The following RNF19A variants were observed in gnomAD, a reference collection of about 807,000 sequenced individuals.
The protein encoded by RNF19A is E3 ubiquitin-protein ligase RNF19A.
Under a neutral mutation model 75.7 loss-of-function variants are expected in RNF19A, and 32 were observed. The ratio of observed to expected loss-of-function variants is 0.42; its 90% CI spans 0.32 to 0.57. The LOEUF is 0.57. Among genes scored for constraint, RNF19A ranks in the 20% least tolerant of loss-of-function variants. The pLI is 0.10. For missense variants in RNF19A, 782 were observed against 1,036.3 expected, an observed-to-expected ratio of 0.75 and a Z score of 3.37; for synonymous variants, 335 against 345.2, an observed-to-expected ratio of 0.97 and a Z score of 0.33.
intron 1 of RNF19A, among the ~76,000 whole-genome samples, chr8:100,305,954 C>T (rs1355656420): frequency 1.3e-5 from 2 of 152,074 alleles, no homozygotes; most frequent in Admixed American, 6.5e-5. Context: ...TATATTAATA[C>T]GTTATATAAT....
Position 100,261,457 on chromosome 8 carries a change from C to A in RNF19A, c.1682+85G>T. On this transcript the variant is annotated intron_variant, in intron 8 of 9. Coordinates refer to ENST00000341084, the MANE Select transcript of RNF19A (RefSeq NM_183419.4). The surrounding 1 kb of genome is among the most constrained non-coding windows in gnomAD (Gnocchi z 4.4). ...TTGACATAGTAGGGTTATATATAAT[C>A]ATCATGCTTTATGTTCAAAATTCTC... 1 of 1,176,742 alleles carries A rather than the reference C, an allele frequency of 8.5e-7. No individual in the cohort carries two copies. The highest frequency in any genetic ancestry group is 1.3e-5 in the South Asian group (1 of 77,524). 72.9% of individuals were successfully genotyped at this position (1,176,742 alleles called of 1,614,324 possible).
At position 100,258,920 on chromosome 8, in the gene RNF19A, G is replaced by GATTCTCTGTCACTGA; in HGVS notation, c.2152_2153insTCAGTGACAGAGAAT (p.Pro718delinsLeuSerAspArgGluSer). On this transcript the variant is annotated protein_altering_variant, in exon 10 of 10. Transcript: ENST00000341084. The surrounding 1 kb of genome is among the most constrained non-coding windows in gnomAD (Gnocchi z 4.3). Reference sequence around the variant, plus strand: ...ACTAGAGTGAGAATCTGCTACAGAAGGCATACTGTCACTGAGGGATGGAGC... The same window carrying GATTCTCTGTCACTGA: ...ACTAGAGTGAGAATCTGCTACAGAAGATTCTCTGTCACTGAGCATACTGTCACTGAGGGATGGAGC... The GATTCTCTGTCACTGA allele has an allele frequency of 1.9e-6, 3 of 1,614,178 alleles. No homozygotes were observed. The highest frequency in any genetic ancestry group is 2.5e-6 in the Non-Finnish European group (3 of 1,180,018).
At chr8:100,277,423 T>C (rs1291196257) in intron 2 of RNF19A, among the ~76,000 whole-genome samples, 1 of 152,120 alleles carries the variant, frequency 6.6e-6, no homozygotes. Context: ...GCTATTCTCC[T>C]GCCTCAGACT....
In RNF19A at chr8:100,264,689, C is replaced by T; in HGVS notation, c.1288G>A (p.Val430Ile). ...TTCTTACCTACAGTCACTGCAGCTACTACTGGAGACACGATTACAGACAAC... is the reference window on the plus strand; with the variant it reads ...TTCTTACCTACAGTCACTGCAGCTATTACTGGAGACACGATTACAGACAAC... ...VTLSVIVSPV[V>I]AAVTVGIGVP... Residue 430 changes from valine to isoleucine, a missense_variant, in exon 6 of 10, where the codon GTA (valine) becomes ATA (isoleucine). Physicochemically the swap from Val to Ile is conservative, Grantham distance 29. Transcript: ENST00000341084. The surrounding 1 kb of genome is among the most constrained non-coding windows in gnomAD (Gnocchi z 4.7). 1.2e-6 allele frequency: 2 copies of T among 1,611,720 alleles called. No homozygotes were observed. Among genetic ancestry groups the T allele is most frequent in the Non-Finnish European group, 1.7e-6 (2 of 1,178,038 alleles).
upstream of RNF19A, chr8:100,309,960 G>C (rs891461124): frequency 1.2e-5 from 12 of 985,466 alleles, no homozygotes; most frequent in East Asian, 2.3e-4. Flanking sequence ...GCGCGGGGGA[G>C]GGTCCCTCCG....
chr8:100,263,437 G>A (rs528896334), intron 7 of RNF19A, among the ~76,000 whole-genome samples: 1 of 152,228 alleles, frequency 6.6e-6, no homozygotes, highest in South Asian at 2.1e-4. Flanking sequence ...GAGTGGTAGG[G>A]ACAAAAATCT....
chr8:100,280,746 T>C (rs1008235043), intron 2 of RNF19A, among the ~76,000 whole-genome samples: 1 of 152,188 alleles, frequency 6.6e-6, no homozygotes, highest in Admixed American at 6.5e-5. Context: ...ACCATAACAG[T>C]ATTAGGCACG....
chr8:100,300,890 T>C lies in RNF19A; in HGVS notation c.-94+8977A>G, dbSNP rs918496633. ...GAAAAGGCTACAAATTCTGGACCTATTTCACACAGACAAAAAAACTAGTCA... is the reference window on the plus strand; with the variant it reads ...GAAAAGGCTACAAATTCTGGACCTACTTCACACAGACAAAAAAACTAGTCA... On this transcript the variant is annotated intron_variant, in intron 1 of 9. Coordinates refer to ENST00000341084, the MANE Select transcript of RNF19A (RefSeq NM_183419.4). Among the ~76,000 whole-genome samples, 11 of 152,298 alleles carry C rather than the reference T, an allele frequency of 7.2e-5. No individual in the cohort carries two copies. In the South Asian group the frequency reaches 2.3e-3, roughly 32 times the overall value.
intron 1 of RNF19A, among the ~76,000 whole-genome samples, chr8:100,321,830 G>T (rs572529087): frequency 1.3e-5 from 2 of 152,316 alleles, no homozygotes; most frequent in East Asian, 3.9e-4. Context: ...TAGGTGAATT[G>T]TCAGTGAGAC....
intron 2 of RNF19A, among the ~76,000 whole-genome samples, chr8:100,283,819 GGT>G (rs1820893466): frequency 6.6e-6 from 1 of 151,936 alleles, no homozygotes; most frequent in Non-Finnish European, 1.5e-5. Flanking sequence ...ATAATAAAAG[GGT>G]TAAATACTAC....
At chr8:100,320,593 T>C (rs980189758) in intron 1 of RNF19A, among the ~76,000 whole-genome samples, 1 of 152,230 alleles carries the variant, frequency 6.6e-6, no homozygotes, top group Non-Finnish European at 1.5e-5. Context: ...CAGTACAAGG[T>C]CTAAAATGAC....
rs1819884078 is a variant in RNF19A at position 100,264,638 on chromosome 8, G to T, written c.1306+33C>A. On this transcript the variant is annotated intron_variant, in intron 6 of 9. Transcript: ENST00000341084. The surrounding 1 kb of genome is among the most constrained non-coding windows in gnomAD (Gnocchi z 4.7). ...CACAAAACTTTAACTCCATAAAATT[G>T]TAGGTAATTAGTACTTTTCAGCATT... 1.5e-6 allele frequency: 2 copies of T among 1,342,114 alleles called. No individual in the cohort carries two copies. The highest frequency in any genetic ancestry group is 1.2e-5 in the South Asian group (1 of 80,672). 83.1% of individuals were successfully genotyped at this position (1,342,114 alleles called of 1,614,324 possible). A position where few individuals can be genotyped will look rare whatever the true frequency, so the allele number is the denominator to read the frequency against.
intron 1 of RNF19A, among the ~76,000 whole-genome samples, chr8:100,295,533 C>T (rs147751679): frequency 6.6e-6 from 1 of 152,204 alleles, no homozygotes; most frequent in Non-Finnish European, 1.5e-5. Context: ...ATCTGCTCAG[C>T]CTCTGGTGCT....
intron 1 of RNF19A, among the ~76,000 whole-genome samples, chr8:100,290,205 T>C (rs974495791): frequency 2.0e-5 from 3 of 152,100 alleles, no homozygotes; most frequent in Non-Finnish European, 4.4e-5. Context: ...GCCTCCATCT[T>C]TTGGGTTCAA....
At chr8:100,309,499 C>A in intron 1 of RNF19A, 1 of 985,516 alleles carries the variant, frequency 1.0e-6, no homozygotes, top group South Asian at 4.7e-5. Flanking sequence ...GGAGACAGCT[C>A]GAGGGGAGCG....
intron 1 of RNF19A, among the ~76,000 whole-genome samples, chr8:100,316,046 G>C (rs1822369248): frequency 6.6e-6 from 1 of 152,140 alleles, no homozygotes; most frequent in South Asian, 2.1e-4. Flanking sequence ...GGCGCATCTG[G>C]AGTTTGTCCC....
intron 1 of RNF19A, among the ~76,000 whole-genome samples, chr8:100,318,373 C>A (rs1160613190): frequency 1.3e-5 from 2 of 152,128 alleles, no homozygotes; most frequent in East Asian, 3.8e-4. Context: ...TCTCTGTTCC[C>A]ATTTCTTCAC....
rs1241528822 is a variant in RNF19A at position 100,324,879 on chromosome 8, T to C, written c.-243+11229A>G. On this transcript the variant is annotated intron_variant, in intron 1 of 3. Transcript: ENST00000519527. The surrounding 1 kb of genome is among the most constrained non-coding windows in gnomAD (Gnocchi z 4.2). The stretch of plus-strand genomic sequence containing the variant: ...CTTCCTTTCTCTCTTTCTCTTTTTT[T>C]TCTTTCTTTCTCTCTCTCTCTTTCT... Among the ~76,000 whole-genome samples, 1 of 115,746 alleles carries C rather than the reference T, an allele frequency of 8.6e-6. No individual in the cohort carries two copies. Among genetic ancestry groups the C allele is most frequent in the Non-Finnish European group, 1.7e-5 (1 of 57,156 alleles). 75.9% of individuals were successfully genotyped at this position (115,746 alleles called of 152,430 possible).
At chr8:100,267,354 A>G (rs1194618781) in intron 5 of RNF19A, among the ~76,000 whole-genome samples, 1 of 152,124 alleles carries the variant, frequency 6.6e-6, no homozygotes, top group Non-Finnish European at 1.5e-5. Context: ...CCTATGACAC[A>G]GTATGACAAC....
Sources: gnomAD v4.1 joint callset for allele counts (sites outside exome capture counted in the v4.1 genomes callset) on GRCh38, gnomAD v4.1.1 for gene constraint, Gnocchi (gnomAD v3.1) non-coding constraint, MANE v1.5 for transcripts, NCBI Gene and HGNC (gene_info 2026-07-23, HGNC 2026-07-21) for gene names.